Variants in PRKDC observed in about 807,000 individuals in gnomAD.
The protein encoded by PRKDC is protein kinase, DNA-activated, catalytic subunit.
Under a neutral mutation model 486.9 loss-of-function variants are expected in PRKDC, and 82 were observed. The observed-to-expected ratio is 0.17, with a 90% CI of 0.14 to 0.20. PRKDC has a LOEUF of 0.20. Ranked by LOEUF, PRKDC falls within the 10% of genes least tolerant of loss-of-function variation. The pLI, the probability that PRKDC is intolerant of heterozygous loss-of-function variation, is 1.00. For synonymous variants in PRKDC, 1,895 were observed against 1,837.0 expected (o/e 1.03, Z -0.81); for missense variants, 4,504 against 5,038.2 (o/e 0.89, Z 3.21).
chr8:47,839,380 A>G (rs1170758154), intron 55 of PRKDC, 134 bp from the exon 56 acceptor site: 2 of 672,922 alleles, frequency 3.0e-6, no homozygotes, highest in Non-Finnish European at 5.2e-6. Context: ...TCCAAATCAC[A>G]GCTTGCCCCA....
chr8:47,891,537 A>G (rs969905784), intron 31 of PRKDC, among the ~76,000 whole-genome samples: 10 of 151,870 alleles, frequency 6.6e-5, no homozygotes, highest in African/African-American at 2.2e-4. Flanking sequence ...TGGCTAACAC[A>G]GTGAAACCCC....
chr8:47,831,255 G>A (rs957983827), intron 60 of PRKDC, among the ~76,000 whole-genome samples: 1 of 152,242 alleles, frequency 6.6e-6, no homozygotes, highest in African/African-American at 2.4e-5. Context: ...CACTTCCAGG[G>A]CTTCACACCC....
At chr8:47,886,275 G>A (rs957281770) in intron 35 of PRKDC, 128 bp from the exon 36 acceptor site, 6 of 642,746 alleles carry the variant, frequency 9.3e-6, no homozygotes, top group African/African-American at 1.8e-5. Context: ...GATATGTGAA[G>A]CCTGGATTCA....
At position 47,888,599 on chromosome 8, in the gene PRKDC, G is replaced by A. The variant is rs1334079695; in HGVS notation, c.4332C>T (p.Asp1444=). The stretch of plus-strand genomic sequence containing the variant: ...ACACAACAGCAGCCAGCCTGCTCCT[G>A]TCCACTTGCGCGTCAGGGCCATACA... ...VNLYGPDAQV[D]RSRLAAVVSA... Residue 1444 remains aspartate, a synonymous_variant, in exon 34 of 86, where the codon GAC becomes GAT. Coordinates refer to ENST00000314191, the MANE Select transcript of PRKDC (RefSeq NM_006904.7). 1.3e-6 allele frequency: 2 copies of A among 1,592,616 alleles called. No homozygotes were observed. Among genetic ancestry groups the A allele is most frequent in the Non-Finnish European group, 1.7e-6 (2 of 1,169,176 alleles).
rs1223187843 is a variant in PRKDC at position 47,808,834 on chromosome 8, C to T, written c.9558-1508G>A. The stretch of plus-strand genomic sequence containing the variant: ...TTAGAAACAGTATGGCCAGGGAGTT[C>T]GAGAACACCCTGGGCAACATAGTGA... On this transcript the variant is annotated intron_variant, in intron 68 of 85. Transcript: ENST00000314191. 5.3e-5 allele frequency among the ~76,000 whole-genome samples: 8 copies of T among 151,984 alleles called. No homozygotes were observed. The South Asian group carries it at 1.5e-3, about 28-fold the overall frequency.
chr8:47,957,387 C>G lies in PRKDC; in HGVS notation c.199G>C (p.Val67Leu), dbSNP rs2090721922. ...LVFSRDFGLLVFVRKSLNSIE... is the reference protein window; with the variant it reads ...LVFSRDFGLLLFVRKSLNSIE... ...CTGTTGAGTGACTTCCGGACAAATA[C>G]AAGCAAACCGAAATCTCTGGAAAAA... is the stretch of plus-strand genomic sequence containing the variant. Residue 67 changes from valine (V) to leucine (L), a missense_variant, in exon 2 of 86, where the codon GTA (valine) becomes CTA (leucine). Around this residue, in one of 6 missense-constraint regions of PRKDC, gnomAD observed 145 missense variants for 136.3 expected, o/e 1.06. Coordinates refer to ENST00000314191, the MANE Select transcript of PRKDC (RefSeq NM_006904.7). 2.5e-6 allele frequency: 4 copies of G among 1,597,228 alleles called. No homozygotes were observed. Among genetic ancestry groups the G allele is most frequent in the Non-Finnish European group, 3.4e-6 (4 of 1,171,172 alleles).
chr8:47,777,958 G>T, intron 83 of PRKDC, 84 bp from the exon 84 acceptor site: 1 of 1,237,630 alleles, frequency 8.1e-7, no homozygotes. Flanking sequence ...TCCTCACATA[G>T]TTACTGTTCA....
chr8:47,916,204 T>G (rs2154502924), intron 22 of PRKDC, among the ~76,000 whole-genome samples: 1 of 152,296 alleles, frequency 6.6e-6, no homozygotes, highest in East Asian at 1.9e-4. Flanking sequence ...TCCCAGCATT[T>G]TGGGAGGCCA....
chr8:47,904,517 G>A (rs1302619587), intron 26 of PRKDC, among the ~76,000 whole-genome samples: 1 of 152,250 alleles, frequency 6.6e-6, no homozygotes, highest in Non-Finnish European at 1.5e-5. Flanking sequence ...GCCTCCCAAA[G>A]TGTTGGATTA....
chr8:47,893,839 T>G (rs560776292), intron 30 of PRKDC, among the ~76,000 whole-genome samples: 65 of 152,296 alleles, frequency 4.3e-4, no homozygotes, highest in Non-Finnish European at 7.9e-4. Context: ...TTCCAGGAAA[T>G]TTTCTTTTAA....
intron 59 of PRKDC, 122 bp from the exon 60 acceptor site, chr8:47,832,048 G>C (rs1435763359): frequency 1.2e-6 from 1 of 802,880 alleles, no homozygotes; most frequent in Non-Finnish European, 2.0e-6. Flanking sequence ...CAGCGACCGG[G>C]AGCAGGAGTG....
chr8:47,794,181 A>G, intron 74 of PRKDC, 109 bp downstream of exon 74: 2 of 882,030 alleles, frequency 2.3e-6, no homozygotes, highest in Non-Finnish European at 3.5e-6. Flanking sequence ...TTCTTCAATG[A>G]CAACTCTAAT....
chr8:47,843,745 C>T (rs1350438842), intron 54 of PRKDC, among the ~76,000 whole-genome samples: 2 of 152,190 alleles, frequency 1.3e-5, no homozygotes, highest in Non-Finnish European at 2.9e-5. Flanking sequence ...CTATTTTCAG[C>T]ATCCTTGAAG....
At chr8:47,778,369 T>G (rs538468374) in intron 83 of PRKDC, 90 bp downstream of exon 83, 1 of 1,377,310 alleles carries the variant, frequency 7.3e-7, no homozygotes, top group Non-Finnish European at 9.8e-7. Context: ...TATGTTGTTT[T>G]TCCTTAAAAA....
In PRKDC at chr8:47,798,828, G is replaced by C. The variant is rs530438184; in HGVS notation, c.10297+382C>G. 1.2e-4 allele frequency among the ~76,000 whole-genome samples: 17 copies of C among 146,548 alleles called. No homozygotes were observed. The East Asian group carries it at 3.4e-3, about 29-fold the overall frequency. On this transcript the variant is annotated intron_variant, in intron 72 of 85. Coordinates refer to ENST00000314191, the MANE Select transcript of PRKDC (RefSeq NM_006904.7). ...CATTGTCTCTCTCTTTTTTTTTTTT[G>C]AGATGGAGTCTCGCTCTGTCACCCA...
intron 22 of PRKDC, among the ~76,000 whole-genome samples, chr8:47,916,666 T>G (rs1479464400): frequency 1.3e-5 from 2 of 152,206 alleles, no homozygotes; most frequent in Non-Finnish European, 2.9e-5. Context: ...ATAAAAATTG[T>G]GTCCACAAAG....
At chr8:47,878,091 G>GT (rs1237274276) in intron 39 of PRKDC, among the ~76,000 whole-genome samples, 32 of 139,832 alleles carry the variant, frequency 2.3e-4, no homozygotes, top group Non-Finnish European at 4.3e-4. Context: ...TTCTTTCTAG[G>GT]TTTTTTTTTA....
intron 7 of PRKDC, among the ~76,000 whole-genome samples, chr8:47,948,912 T>C (rs908207918): frequency 5.4e-4 from 82 of 152,380 alleles, no homozygotes; most frequent in African/African-American, 1.8e-3. Flanking sequence ...TTTCCTAGTG[T>C]TGCCATAACA....
chr8:47,859,867 GT>G, intron 45 of PRKDC, 108 bp from the exon 46 acceptor site: 3 of 1,164,228 alleles, frequency 2.6e-6, no homozygotes, highest in East Asian at 2.6e-5. Context: ...TTAATCTAAG[GT>G]TTTCATCAAG....
Sources: gnomAD v4.1 joint callset for allele counts (sites outside exome capture counted in the v4.1 genomes callset) on GRCh38, gnomAD v4.1.1 for gene constraint, gnomAD v4.1.1 regional missense constraint, MANE v1.5 for transcripts, NCBI Gene and HGNC (gene_info 2026-07-23, HGNC 2026-07-21) for gene names.